RAB3C: variants seen among roughly 807,000 people sequenced by gnomAD.
RAB3C encodes RAB3C, member RAS oncogene family, also known as ras-related protein Rab-3C.
Under a neutral mutation model 26.4 loss-of-function variants are expected in RAB3C, and 17 were observed. The ratio of observed to expected loss-of-function variants is 0.64; its 90% CI spans 0.44 to 0.97. The LOEUF (loss-of-function observed/expected upper bound fraction) is 0.97, where lower values mean the gene tolerates loss of function less well. Among genes scored for constraint, RAB3C ranks in the 50% least tolerant of loss-of-function variants. RAB3C has a pLI of 0.00. For missense variants in RAB3C, 242 were observed against 281.9 expected (o/e 0.86, Z 1.01); for synonymous variants, 91 against 95.9 (o/e 0.95, Z 0.30).
intron 2 of RAB3C, among the ~76,000 whole-genome samples, chr5:58,702,947 G>T (rs1482332713): frequency 6.6e-6 from 1 of 152,140 alleles, no homozygotes; most frequent in Non-Finnish European, 1.5e-5. Flanking sequence ...CCTGGATAGT[G>T]AGTATAAGTT....
chr5:58,624,460 T>G (rs1292400323), intron 2 of RAB3C, among the ~76,000 whole-genome samples: 5 of 152,180 alleles, frequency 3.3e-5, no homozygotes, highest in Non-Finnish European at 1.5e-5. Context: ...GCTTGAAGCT[T>G]TTACAGTTTG....
At chr5:58,783,996 TGGGAA>T (rs1561129079) in intron 3 of RAB3C, among the ~76,000 whole-genome samples, 1 of 152,082 alleles carries the variant, frequency 6.6e-6, no homozygotes, top group Admixed American at 6.5e-5. Context: ...GGTGAGCATA[TGGGAA>T]GGCACTTTTA....
intron 3 of RAB3C, among the ~76,000 whole-genome samples, chr5:58,793,285 G>A (rs528775124): frequency 5.9e-5 from 9 of 152,264 alleles, no homozygotes; most frequent in Middle Eastern, 3.4e-3. Context: ...CTGGCCGGGC[G>A]CGGTGGCTCG....
chr5:58,700,527 G>A (rs1305621992), intron 2 of RAB3C, among the ~76,000 whole-genome samples: 1 of 152,142 alleles, frequency 6.6e-6, no homozygotes, highest in Non-Finnish European at 1.5e-5. Flanking sequence ...GGATAAGCTT[G>A]AGAATGTCCT....
chr5:58,768,845 C>T (rs914981857), intron 3 of RAB3C, among the ~76,000 whole-genome samples: 1 of 152,062 alleles, frequency 6.6e-6, no homozygotes, highest in African/African-American at 2.4e-5. Context: ...TGATGGGAAG[C>T]TCAAGGAGTG....
intron 2 of RAB3C, among the ~76,000 whole-genome samples, chr5:58,685,512 T>C (rs1229556417): frequency 1.3e-5 from 2 of 152,178 alleles, no homozygotes; most frequent in African/African-American, 4.8e-5. Context: ...AACTAAATTA[T>C]ATCTGCAAAT....
intron 2 of RAB3C, among the ~76,000 whole-genome samples, chr5:58,709,607 T>C (rs976456008): frequency 2.6e-5 from 4 of 152,240 alleles, no homozygotes; most frequent in African/African-American, 9.6e-5. Context: ...GAAGTCACTC[T>C]TCAGACTTCT....
upstream of RAB3C, chr5:58,582,934 A>G: frequency 1.3e-6 from 1 of 773,248 alleles, no homozygotes; most frequent in South Asian, 2.2e-5. Flanking sequence ...GAGCCTGTTT[A>G]ATGGTTTGCT....
chr5:58,636,846 C>T (rs1408104628), intron 2 of RAB3C, among the ~76,000 whole-genome samples: 2 of 152,120 alleles, frequency 1.3e-5, no homozygotes, highest in Non-Finnish European at 2.9e-5. Context: ...TTTGTGATGT[C>T]AAGGCCTTTC....
chr5:58,618,966 CAA>C (rs1047740881), intron 2 of RAB3C, among the ~76,000 whole-genome samples: 2 of 152,052 alleles, frequency 1.3e-5, no homozygotes, highest in African/African-American at 4.8e-5. Flanking sequence ...AAAAAACAAA[CAA>C]ATCGCAGAGT....
At chr5:58,606,385 CT>C (rs1318206998) in intron 1 of RAB3C, among the ~76,000 whole-genome samples, 1 of 152,182 alleles carries the variant, frequency 6.6e-6, no homozygotes, top group Non-Finnish European at 1.5e-5. Flanking sequence ...GGTAAAGTGG[CT>C]GAGAAGCACA....
intron 3 of RAB3C, among the ~76,000 whole-genome samples, chr5:58,745,392 CAAAAAAAAAAAAAAAAA>C (rs1173604247): frequency 1.8e-4 from 6 of 33,110 alleles, no homozygotes; most frequent in Non-Finnish European, 3.3e-4. Flanking sequence ...GACTCTGCTT[CAAAAAAAAAAAAAAAAA>C]AAAAAAAAAA....
chr5:58,627,009 T>G (rs1747066996), intron 2 of RAB3C, among the ~76,000 whole-genome samples: 1 of 152,186 alleles, frequency 6.6e-6, no homozygotes, highest in South Asian at 2.1e-4. Flanking sequence ...CCAAGTGCAG[T>G]GAGCTGTGTT....
At chr5:58,619,520 A>G (rs1210690187) in intron 2 of RAB3C, among the ~76,000 whole-genome samples, 1 of 152,346 alleles carries the variant, frequency 6.6e-6, no homozygotes, top group East Asian at 1.9e-4. Flanking sequence ...TGGAAACGAT[A>G]CATCCCTTAA....
intron 3 of RAB3C, among the ~76,000 whole-genome samples, chr5:58,750,958 G>A (rs1741509640): frequency 6.6e-6 from 1 of 152,034 alleles, no homozygotes; most frequent in South Asian, 2.1e-4. Context: ...GGGTTCAAGA[G>A]ATTCTCATGC....
At chr5:58,809,525 C>A (rs1455393769) in intron 3 of RAB3C, among the ~76,000 whole-genome samples, 1 of 152,112 alleles carries the variant, frequency 6.6e-6, no homozygotes, top group Non-Finnish European at 1.5e-5. Context: ...TCCTCAAATT[C>A]ATATTTCCCT....
chr5:58,739,874 T>G (rs7736857), intron 3 of RAB3C, among the ~76,000 whole-genome samples: 2 of 152,218 alleles, frequency 1.3e-5, no homozygotes, highest in African/African-American at 4.8e-5. Context: ...ACCAAATGAT[T>G]CTTTTTTGTA....
rs555050862 is a variant in RAB3C at position 58,846,414 on chromosome 5, C to G, written c.497-4750C>G. On this transcript the variant is annotated intron_variant, in intron 4 of 4. Coordinates refer to ENST00000282878, the MANE Select transcript of RAB3C (RefSeq NM_138453.4). Reference sequence around the variant, plus strand: ...TTTTAAGCACTTCAGGTGATTTGCTCTGTCACCCAGGCTGGAGTGCAGTGA... The same window carrying G: ...TTTTAAGCACTTCAGGTGATTTGCTGTGTCACCCAGGCTGGAGTGCAGTGA... Among the ~76,000 whole-genome samples the G allele has an allele frequency of 3.3e-5, 5 of 152,306 alleles. No homozygotes were observed. The South Asian group carries it at 1.0e-3, about 32-fold the overall frequency.
chr5:58,765,302 C>T (rs1365987312), intron 3 of RAB3C, among the ~76,000 whole-genome samples: 1 of 152,090 alleles, frequency 6.6e-6, no homozygotes, highest in Non-Finnish European at 1.5e-5. Flanking sequence ...TCCATTTTCA[C>T]CTCCCTCAGC....
Sources: allele counts gnomAD v4.1 joint callset (sites outside exome capture counted in the v4.1 genomes callset), GRCh38; gene constraint gnomAD v4.1.1; transcripts MANE v1.5; gene names NCBI Gene and HGNC (gene_info 2026-07-23, HGNC 2026-07-21).